Variants in HPSE2 observed in about 807,000 individuals in gnomAD.
HPSE2 encodes inactive heparanase-2.
Under a neutral mutation model 60.5 loss-of-function variants are expected in HPSE2, and 38 were observed. The observed-to-expected ratio is 0.63, with a 90% CI of 0.48 to 0.82. HPSE2 has a LOEUF of 0.82. Ranked by LOEUF, HPSE2 falls within the 40% of genes least tolerant of loss-of-function variation. HPSE2 has a pLI of 0.00. For synonymous variants in HPSE2, 295 were observed against 293.2 expected, an observed-to-expected ratio of 1.01 and a Z score of -0.06; for missense variants, 713 against 740.4, an observed-to-expected ratio of 0.96 and a Z score of 0.43.
At chr10:98,564,382 T>C (rs576265520) in intron 9 of HPSE2, among the ~76,000 whole-genome samples, 2 of 152,312 alleles carry the variant, frequency 1.3e-5, no homozygotes, top group Non-Finnish European at 2.9e-5. Flanking sequence ...TTTTTGAGGA[T>C]GAAGTGTGGT....
At chr10:98,796,746 C>G (rs1950788274) in intron 3 of HPSE2, among the ~76,000 whole-genome samples, 1 of 152,204 alleles carries the variant, frequency 6.6e-6, no homozygotes, top group Non-Finnish European at 1.5e-5. Context: ...AGCATCAGAT[C>G]TAAGCCAGTG....
At chr10:99,140,262 C>A (rs953654349) in intron 3 of HPSE2, among the ~76,000 whole-genome samples, 5 of 152,114 alleles carry the variant, frequency 3.3e-5, no homozygotes, top group African/African-American at 1.2e-4. Context: ...GAATCTCAGT[C>A]CAGTTTGGAG....
At chr10:98,872,117 C>G (rs1016232447) in intron 3 of HPSE2, among the ~76,000 whole-genome samples, 3 of 151,964 alleles carry the variant, frequency 2.0e-5, no homozygotes, top group African/African-American at 7.3e-5. Flanking sequence ...ACTATATGGA[C>G]TAGTACTAAA....
intron 9 of HPSE2, among the ~76,000 whole-genome samples, chr10:98,530,805 A>G (rs1484938979): frequency 6.6e-6 from 1 of 152,136 alleles, no homozygotes; most frequent in Middle Eastern, 3.4e-3. Flanking sequence ...CCCTTCCCCA[A>G]CATGATGCCT....
At chr10:99,149,977 T>C (rs1407130860) in intron 2 of HPSE2, among the ~76,000 whole-genome samples, 1 of 152,090 alleles carries the variant, frequency 6.6e-6, no homozygotes, top group East Asian at 1.9e-4. Context: ...TTTGTTGTTA[T>C]GTAATCAAAG....
the HPSE2 span, among the ~76,000 whole-genome samples, chr10:99,298,925 G>A: frequency 2.6e-5 from 4 of 152,128 alleles, no homozygotes; most frequent in Middle Eastern, 3.4e-3. Context: ...TGCCTGCCTC[G>A]GCCTCCCAAA....
intron 3 of HPSE2, among the ~76,000 whole-genome samples, chr10:98,795,503 C>T (rs1482650344): frequency 2.6e-5 from 4 of 152,232 alleles, no homozygotes; most frequent in Non-Finnish European, 2.9e-5. Context: ...AGGGAAATCA[C>T]CTATCCTAGC....
intron 6 of HPSE2, among the ~76,000 whole-genome samples, chr10:98,651,982 G>T (rs1946929183): frequency 6.6e-6 from 1 of 152,052 alleles, no homozygotes; most frequent in African/African-American, 2.4e-5. Context: ...TGTTGGTCAG[G>T]CTGGTCTCAA....
chr10:98,918,552 C>G (rs1239233795), intron 3 of HPSE2, among the ~76,000 whole-genome samples: 1 of 149,880 alleles, frequency 6.7e-6, no homozygotes, highest in Non-Finnish European at 1.5e-5. Context: ...AATTGGAAAT[C>G]ATCATTCTCA....
At chr10:98,873,852 A>C (rs1952799860) in intron 3 of HPSE2, among the ~76,000 whole-genome samples, 1 of 152,070 alleles carries the variant, frequency 6.6e-6, no homozygotes, top group Non-Finnish European at 1.5e-5. Context: ...AAGCATTCCT[A>C]CTTCTTCACA....
chr10:98,506,131 G>A (rs1942191944), intron 9 of HPSE2, among the ~76,000 whole-genome samples: 1 of 151,948 alleles, frequency 6.6e-6, no homozygotes, highest in Non-Finnish European at 1.5e-5. Flanking sequence ...CTATAAAGAT[G>A]AAAAAAACTG....
intron 9 of HPSE2, among the ~76,000 whole-genome samples, chr10:98,575,072 G>A (rs753682030): frequency 5.9e-5 from 9 of 152,166 alleles, no homozygotes; most frequent in Non-Finnish European, 1.3e-4. Flanking sequence ...ACCAACCACT[G>A]TAGGGAAAGA....
At chr10:98,460,120 T>A (rs778985347) in intron 11 of HPSE2, among the ~76,000 whole-genome samples, 1 of 152,224 alleles carries the variant, frequency 6.6e-6, no homozygotes, top group African/African-American at 2.4e-5. Flanking sequence ...TCCTATTTTT[T>A]AAAAATCACA....
intron 9 of HPSE2, among the ~76,000 whole-genome samples, chr10:98,532,569 A>G (rs769032419): frequency 7.9e-5 from 12 of 152,240 alleles, no homozygotes; most frequent in Non-Finnish European, 1.0e-4. Context: ...TACACACTCA[A>G]TAATATTAGC....
chr10:99,224,139 T>C (rs187100133), intron 2 of HPSE2, among the ~76,000 whole-genome samples: 9 of 152,172 alleles, frequency 5.9e-5, no homozygotes, highest in African/African-American at 2.2e-4. Context: ...ATACAACTGA[T>C]AATCAAAAAA....
At chr10:98,547,979 T>C (rs1314784138) in intron 9 of HPSE2, among the ~76,000 whole-genome samples, 3 of 152,136 alleles carry the variant, frequency 2.0e-5, no homozygotes, top group African/African-American at 7.2e-5. Context: ...AATAATTCAA[T>C]TTAAATACAT....
rs554156519 is a variant in HPSE2, at chr10:99,198,067, C to CAA, written c.448+34279_448+34280dup. On this transcript the variant is annotated intron_variant, in intron 2 of 11. Transcript: ENST00000370552. Reference sequence around the variant, plus strand: ...TGGGCAACAGAGCAAGACTCCGTCTCAAAAAAAAAAAAAAGTGAATTTTTT... The same window carrying CAA: ...TGGGCAACAGAGCAAGACTCCGTCTCAAAAAAAAAAAAAAAAGTGAATTTTTT... 8.4e-4 allele frequency among the ~76,000 whole-genome samples: 98 copies of CAA among 117,206 alleles called. 1 individual carries two copies. The East Asian group carries it at 0.018, about 22-fold the overall frequency. The allele number at this position is 117,206 out of a possible 152,430, so 76.9% of individuals were successfully genotyped here. A position where few individuals can be genotyped will look rare whatever the true frequency, so the allele number is the denominator to read the frequency against.
intron 3 of HPSE2, among the ~76,000 whole-genome samples, chr10:98,924,817 G>A (rs555977529): frequency 1.1e-3 from 161 of 152,290 alleles, no homozygotes; most frequent in Admixed American, 1.2e-3. Context: ...GTCCTAGACT[G>A]TCTTTCAAGT....
chr10:98,772,297 T>C (rs915220860), intron 3 of HPSE2, among the ~76,000 whole-genome samples: 4 of 152,100 alleles, frequency 2.6e-5, no homozygotes, highest in African/African-American at 7.2e-5. Flanking sequence ...AGTTAACAAC[T>C]GTAATCACAA....
Sources: allele counts gnomAD v4.1 joint callset (sites outside exome capture counted in the v4.1 genomes callset), GRCh38; gene constraint gnomAD v4.1.1; transcripts MANE v1.5; gene names NCBI Gene and HGNC (gene_info 2026-07-23, HGNC 2026-07-21).